Variants in PLEKHG4B observed in about 807,000 individuals in gnomAD.
PLEKHG4B encodes pleckstrin homology domain-containing family G member 4B.
Under a neutral mutation model 121.3 loss-of-function variants are expected in PLEKHG4B, and 111 were observed. The observed-to-expected ratio is 0.92, with a 90% CI of 0.78 to 1.07. The LOEUF is 1.07. Among genes scored for constraint, PLEKHG4B ranks in the 50% least tolerant of loss-of-function variants. PLEKHG4B has a pLI of 0.00. For synonymous variants in PLEKHG4B, 738 were observed against 725.0 expected, an observed-to-expected ratio of 1.02 and a Z score of -0.29; for missense variants, 1,831 against 1,757.8, an observed-to-expected ratio of 1.04 and a Z score of -0.74.
At chr5:169,778 C>G (rs1425185995) in intron 14 of PLEKHG4B, among the ~76,000 whole-genome samples, 186 bp downstream of exon 14, 1 of 152,246 alleles carries the variant, frequency 6.6e-6, no homozygotes, top group Non-Finnish European at 1.5e-5. Context: ...ACCTGTGGGT[C>G]TCCAGTGCTC....
At chr5:111,949 C>G (rs1200984249) in intron 1 of PLEKHG4B, among the ~76,000 whole-genome samples, 1 of 151,016 alleles carries the variant, frequency 6.6e-6, no homozygotes. Flanking sequence ...TTCTCATGGA[C>G]TGTGTGACCC....
At chr5:161,658 C>CA in intron 11 of PLEKHG4B, 125 bp from the exon 12 acceptor site, 1 of 1,186,870 alleles carries the variant, frequency 8.4e-7, no homozygotes, top group Non-Finnish European at 1.2e-6. Flanking sequence ...TGAGAGGCAG[C>CA]AGCAGGCAGC....
intron 11 of PLEKHG4B, among the ~76,000 whole-genome samples, chr5:158,845 C>T (rs527570766): frequency 6.6e-6 from 1 of 152,176 alleles, no homozygotes; most frequent in South Asian, 2.1e-4. Context: ...TTTCCTGTAT[C>T]CAAGTCTTCC....
chr5:161,201 C>G (rs1033276925), intron 11 of PLEKHG4B, among the ~76,000 whole-genome samples: 4 of 152,258 alleles, frequency 2.6e-5, no homozygotes, highest in Admixed American at 2.6e-4. Context: ...GCCACAGGCG[C>G]TCCGTCCAGC....
intron 6 of PLEKHG4B, among the ~76,000 whole-genome samples, chr5:145,428 A>G (rs568551730): frequency 1.3e-5 from 2 of 152,294 alleles, no homozygotes; most frequent in East Asian, 3.9e-4. Context: ...TGCCATTGCC[A>G]CAGGTCCCTG....
intron 6 of PLEKHG4B, among the ~76,000 whole-genome samples, chr5:150,816 T>C (rs1735581669): frequency 1.3e-5 from 2 of 152,216 alleles, no homozygotes; most frequent in African/African-American, 4.8e-5. Context: ...GGAAAATACT[T>C]ACTTATCACA....
chr5:101,870 C>G lies in PLEKHG4B; in HGVS notation c.45+9594C>G, dbSNP rs566082906. Among the ~76,000 whole-genome samples the G allele has an allele frequency of 4.9e-5, 4 of 82,426 alleles. 1 individual carries two copies. The highest frequency in any genetic ancestry group is 4.0e-4 in the Admixed American group (4 of 9,906). The allele number at this position is 82,426 out of a possible 152,430, so 54.1% of individuals were successfully genotyped here. On this transcript the variant is annotated intron_variant, in intron 1 of 19. Coordinates refer to ENST00000637938, the MANE Select transcript of PLEKHG4B (RefSeq NM_052909.5). ...TTGTGAGGTTAATCCATATAAAGCC[C>G]TGGAAAAAGTCTGTAGGGGAGAGAC...
chr5:92,613 T>C (rs1194184825), intron 1 of PLEKHG4B, among the ~76,000 whole-genome samples: 1 of 151,214 alleles, frequency 6.6e-6, no homozygotes, highest in African/African-American at 2.4e-5. Flanking sequence ...CGGCGGCTGC[T>C]GCGGGAACGG....
At position 98,837 on chromosome 5, in the gene PLEKHG4B, C is replaced by CTTTTT. The variant is rs925964165; in HGVS notation, c.45+6576_45+6580dup. 2.5e-3 allele frequency among the ~76,000 whole-genome samples: 202 copies of CTTTTT among 79,230 alleles called. 5 individuals are homozygous for CTTTTT. The highest frequency in any genetic ancestry group is 0.01 in the African/African-American group (198 of 19,056). 52.0% of individuals were successfully genotyped at this position (79,230 alleles called of 152,430 possible). On this transcript the variant is annotated intron_variant, in intron 1 of 19. Transcript: ENST00000637938. ...TCTGAGTATTCCAACTTGAATTTTCCTTTTTTTTTTTTTTTTTTTCAAAAA... is the reference window on the plus strand; with the variant it reads ...TCTGAGTATTCCAACTTGAATTTTCCTTTTTTTTTTTTTTTTTTTTTTTTCAAAAA...
rs374984243 is a variant in PLEKHG4B, at chr5:156,733, G to A, written c.2349-40G>A. On this transcript the variant is annotated intron_variant, in intron 10 of 19. Coordinates refer to ENST00000637938, the MANE Select transcript of PLEKHG4B (RefSeq NM_052909.5). This position sits in a 1 kb window ranked among gnomAD's most constrained non-coding sequence, Gnocchi z 4.4. ...TGTCACCAAGAGCAGATTCCTCAAGGGGCCGCCTGGAAGCCTGAGGACTGC... is the reference window on the plus strand; with the variant it reads ...TGTCACCAAGAGCAGATTCCTCAAGAGGCCGCCTGGAAGCCTGAGGACTGC... 1 of 1,528,424 alleles carries A rather than the reference G, an allele frequency of 6.5e-7. No individual in the cohort carries two copies. The highest frequency in any genetic ancestry group is 8.8e-7 in the Non-Finnish European group (1 of 1,133,028). 94.7% of individuals were successfully genotyped at this position (1,528,424 alleles called of 1,614,324 possible).
chr5:125,459 C>A (rs1164530741), intron 2 of PLEKHG4B, among the ~76,000 whole-genome samples: 1 of 152,098 alleles, frequency 6.6e-6, no homozygotes. Context: ...TAAAAAAATT[C>A]TGTTCCTTTA....
At chr5:115,646 T>C (rs1734282976) in intron 2 of PLEKHG4B, among the ~76,000 whole-genome samples, 1 of 152,258 alleles carries the variant, frequency 6.6e-6, no homozygotes, top group Non-Finnish European at 1.5e-5. Context: ...CTGGATTACT[T>C]GCTGCAGCTT....
intron 13 of PLEKHG4B, among the ~76,000 whole-genome samples, chr5:165,474 G>C: frequency 1.7e-5 from 1 of 59,950 alleles, no homozygotes; most frequent in Non-Finnish European, 3.5e-5. Flanking sequence ...ATGCTCTGAC[G>C]GGGCGGAGCT....
rs1339093065 is a variant in PLEKHG4B at position 184,086 on chromosome 5, C to T, written c.*1763C>T. ...ATTGGCTGACACAATTTTGGCAGGT[C>T]AAGAGCCCCACAATAGGCCATCCAC... On this transcript the variant is annotated 3_prime_UTR_variant, in exon 20 of 20. Transcript: ENST00000637938. 6.6e-6 allele frequency: 1 copy of T among 152,080 alleles called. No individual in the cohort carries two copies. The highest frequency in any genetic ancestry group is 2.4e-5 in the African/African-American group (1 of 41,406). 9.4% of individuals were successfully genotyped at this position (152,080 alleles called of 1,614,324 possible).
chr5:169,323 ATC>A lies in PLEKHG4B; in HGVS notation c.3477-13_3477-12del. 6.2e-7 allele frequency: 1 copy of A among 1,612,736 alleles called. No individual in the cohort carries two copies. Among genetic ancestry groups the A allele is most frequent in the Non-Finnish European group, 8.5e-7 (1 of 1,179,278 alleles). ...CGTGGGGGGCCGTGTGCCCCCCGGG[ATC>A]TCTGTGTCTTCCAGCAGCCGACTGA... On this transcript the variant is annotated splice_polypyrimidine_tract_variant and intron_variant, in intron 13 of 19. Coordinates refer to ENST00000637938, the MANE Select transcript of PLEKHG4B (RefSeq NM_052909.5).
chr5:135,682 A>AAATATAT (rs1553985215), intron 2 of PLEKHG4B, among the ~76,000 whole-genome samples: 5 of 19,608 alleles, frequency 2.5e-4, no homozygotes, highest in African/African-American at 2.9e-4. Flanking sequence ...AAAAAAAAAA[A>AAATATAT]ATATATATAT....
rs560039999 is a variant in PLEKHG4B, at chr5:162,687, C to G, written c.2650-35C>G. 3 of 1,383,574 alleles carry G rather than the reference C, an allele frequency of 2.2e-6. No homozygotes were observed. In the Admixed American group the frequency reaches 1.0e-4, roughly 46 times the overall value. 85.7% of individuals were successfully genotyped at this position (1,383,574 alleles called of 1,614,324 possible). On this transcript the variant is annotated intron_variant, in intron 12 of 19. Coordinates refer to ENST00000637938, the MANE Select transcript of PLEKHG4B (RefSeq NM_052909.5). ...AGCTGGCTCCAGGGCAGCCCCTCCT[C>G]CACTGCACTGAGCAGAGCCCTCCTT...
In PLEKHG4B at chr5:161,944, G is replaced by A. The variant is rs766395727; in HGVS notation, c.2649G>A (p.Thr883=). Residue 883 remains threonine, a splice_region_variant and synonymous_variant, in exon 12 of 20, where the codon ACG becomes ACA. Transcript: ENST00000637938. The part of the protein sequence containing the change: ...RWTRSSELCE[T]VSSWMGPLDP... ...CCCGCTCGTCCGAGTTGTGCGAGAC[G>A]GTAAGAGACCCAGTGGGCGTGCGTC... The A allele has an allele frequency of 1.4e-5, 23 of 1,606,662 alleles. No homozygotes were observed. The highest frequency in any genetic ancestry group is 1.7e-5 in the Non-Finnish European group (20 of 1,176,266).
chr5:124,160 T>C (rs1408144651), intron 2 of PLEKHG4B, among the ~76,000 whole-genome samples: 1 of 152,234 alleles, frequency 6.6e-6, no homozygotes. Context: ...GTCTTATTTC[T>C]GTTATTGACT....
Sources: gnomAD v4.1 joint callset for allele counts (sites outside exome capture counted in the v4.1 genomes callset) on GRCh38, gnomAD v4.1.1 for gene constraint, Gnocchi (gnomAD v3.1) non-coding constraint, MANE v1.5 for transcripts, NCBI Gene and HGNC (gene_info 2026-07-23, HGNC 2026-07-21) for gene names.